The following RBFOX1 variants were observed in gnomAD, a reference collection of about 807,000 sequenced individuals.
The protein encoded by RBFOX1 is RNA binding fox-1 homolog 1, also known as RNA binding protein fox-1 homolog 1.
In RBFOX1, 8 loss-of-function variants were observed where a neutral mutation model predicts 57.7. That is an observed-to-expected ratio of 0.14 (90% CI 0.08 to 0.25). RBFOX1 has a LOEUF of 0.25. Ranked by LOEUF, RBFOX1 falls within the 10% of genes least tolerant of loss-of-function variation. The pLI is 1.00. For synonymous variants in RBFOX1, 326 were observed against 222.4 expected (o/e 1.47, Z -4.15); for missense variants, 611 against 548.5 (o/e 1.11, Z -1.14).
intron 1 of RBFOX1, among the ~76,000 whole-genome samples, chr16:6,158,243 C>T (rs868166674): frequency 2.0e-5 from 3 of 152,132 alleles, no homozygotes; most frequent in East Asian, 1.9e-4. Context: ...TTGTCTGAAT[C>T]GGTATTTTGC....
intron 1 of RBFOX1, among the ~76,000 whole-genome samples, chr16:5,444,807 G>C (rs13335865): frequency 0.2 from 30,931 of 152,180 alleles, 3,586 homozygotes; most frequent in African/African-American, 0.32. Context: ...GGATGTATTA[G>C]GTTGAACTGT....
At chr16:7,045,736 A>C (rs2047693521) in intron 3 of RBFOX1, among the ~76,000 whole-genome samples, 1 of 151,524 alleles carries the variant, frequency 6.6e-6, no homozygotes, top group Non-Finnish European at 1.5e-5. Flanking sequence ...TTCACTGCCT[A>C]CCTCTGCCAC....
At chr16:5,908,725 C>G (rs528269315) in intron 4 of RBFOX1, among the ~76,000 whole-genome samples, 2 of 152,178 alleles carry the variant, frequency 1.3e-5, no homozygotes, top group South Asian at 4.1e-4. Flanking sequence ...AACTCGTGGG[C>G]CCCTGCTATA....
chr16:7,112,370 T>C (rs1288960300), intron 4 of RBFOX1, among the ~76,000 whole-genome samples: 1 of 79,140 alleles, frequency 1.3e-5, no homozygotes, highest in Non-Finnish European at 2.3e-5. Flanking sequence ...ACCTGGCTAA[T>C]TTTTTGTATT....
chr16:5,308,552 C>G (rs578233311), intron 1 of RBFOX1, among the ~76,000 whole-genome samples: 3 of 152,136 alleles, frequency 2.0e-5, no homozygotes, highest in African/African-American at 7.2e-5. Flanking sequence ...CATCTCAAAC[C>G]CATGTCTCCC....
chr16:6,748,261 C>T lies in RBFOX1; in HGVS notation c.-16+93611C>T, dbSNP rs571105424. ...AAGTATACAGACCCAGCCTTCTTTT[C>T]TCTTTCTCTCTCTCTCTCTCTACAC... On this transcript the variant is annotated intron_variant, in intron 3 of 15. Coordinates refer to ENST00000550418, the MANE Select transcript of RBFOX1 (RefSeq NM_018723.4). Among the ~76,000 whole-genome samples, 21 of 152,132 alleles carry T rather than the reference C, an allele frequency of 1.4e-4. 1 individual carries two copies. In the South Asian group the frequency reaches 3.7e-3, roughly 27 times the overall value.
chr16:6,942,928 C>G (rs2153505208), intron 3 of RBFOX1, among the ~76,000 whole-genome samples: 1 of 152,284 alleles, frequency 6.6e-6, no homozygotes, highest in African/African-American at 2.4e-5. Flanking sequence ...ACAGGGCTCG[C>G]ATTGGAGATT....
chr16:7,311,014 C>A (rs574506296), intron 4 of RBFOX1, among the ~76,000 whole-genome samples: 1 of 152,360 alleles, frequency 6.6e-6, no homozygotes, highest in East Asian at 1.9e-4. Context: ...TCTGGAATTA[C>A]TCCTTCCGCT....
At chr16:7,361,951 T>C (rs2097331295) in intron 4 of RBFOX1, among the ~76,000 whole-genome samples, 1 of 151,294 alleles carries the variant, frequency 6.6e-6, no homozygotes, top group African/African-American at 2.4e-5. Flanking sequence ...TGTGCATGTT[T>C]TGTGTGTATG....
At chr16:5,272,418 G>C (rs1293009679) in intron 1 of RBFOX1, among the ~76,000 whole-genome samples, 1 of 152,132 alleles carries the variant, frequency 6.6e-6, no homozygotes, top group Admixed American at 6.5e-5. Context: ...ACTGGAACAT[G>C]CACCAAGGCT....
intron 3 of RBFOX1, among the ~76,000 whole-genome samples, chr16:5,653,552 C>A (rs924784147): frequency 2.6e-5 from 4 of 151,984 alleles, no homozygotes; most frequent in Non-Finnish European, 4.4e-5. Context: ...AGGTGGGGTG[C>A]TGAGCCGTAT....
chr16:7,709,014 T>C (rs765807422), intron 14 of RBFOX1, 42 bp from the exon 15 acceptor site: 3 of 1,541,902 alleles, frequency 1.9e-6, no homozygotes, highest in South Asian at 2.2e-5. Context: ...TGTTTTGTAA[T>C]TGCATACTGT....
chr16:7,429,884 C>T (rs539050971), intron 4 of RBFOX1, among the ~76,000 whole-genome samples: 1 of 152,158 alleles, frequency 6.6e-6, no homozygotes, highest in Non-Finnish European at 1.5e-5. Flanking sequence ...CTTCTAGAAG[C>T]TGCAGAATGT....
intron 4 of RBFOX1, among the ~76,000 whole-genome samples, chr16:7,482,055 A>T (rs553664190): frequency 6.6e-6 from 1 of 152,242 alleles, no homozygotes; most frequent in African/African-American, 2.4e-5. Context: ...ATTGCCTACA[A>T]ATCAAGCCGT....
intron 1 of RBFOX1, among the ~76,000 whole-genome samples, chr16:5,446,203 C>G (rs1466035947): frequency 6.6e-6 from 1 of 152,064 alleles, no homozygotes; most frequent in Non-Finnish European, 1.5e-5. Flanking sequence ...TAGAAACTGA[C>G]ACCCACATGG....
chr16:5,432,559 G>GTTTT (rs35344614), intron 1 of RBFOX1, among the ~76,000 whole-genome samples: 4 of 94,206 alleles, frequency 4.2e-5, no homozygotes, highest in Non-Finnish European at 6.1e-5. Context: ...TTGTTTGTTT[G>GTTTT]TTTTTTTTTT....
At chr16:6,296,504 T>C (rs939491814) in intron 1 of RBFOX1, among the ~76,000 whole-genome samples, 29 of 151,090 alleles carry the variant, frequency 1.9e-4, no homozygotes, top group Non-Finnish European at 3.7e-4. Context: ...CACTGCAAGC[T>C]CCGCCTCCCG....
chr16:5,978,670 T>G (rs527658363), intron 4 of RBFOX1, among the ~76,000 whole-genome samples: 60 of 148,788 alleles, frequency 4.0e-4, no homozygotes, highest in African/African-American at 1.5e-3. Flanking sequence ...TTTTTTGTTT[T>G]TTTGTTTGTT....
intron 4 of RBFOX1, among the ~76,000 whole-genome samples, chr16:5,978,162 G>T (rs1197826629): frequency 4.8e-5 from 2 of 41,324 alleles, no homozygotes; most frequent in African/African-American, 1.9e-4. Context: ...AAAAAAAAAA[G>T]CAAGAGCCAG....
Sources: allele counts gnomAD v4.1 joint callset (sites outside exome capture counted in the v4.1 genomes callset), GRCh38; gene constraint gnomAD v4.1.1; transcripts MANE v1.5; gene names NCBI Gene and HGNC (gene_info 2026-07-23, HGNC 2026-07-21).